The following FHIP1A variants were observed in gnomAD, a reference collection of about 807,000 sequenced individuals.
FHIP1A encodes FHF complex subunit HOOK interacting protein 1A, also known as FHF complex subunit HOOK-interacting protein 1A.
Under a neutral mutation model 88.6 loss-of-function variants are expected in FHIP1A, and 61 were observed. The ratio of observed to expected loss-of-function variants is 0.69; its 90% CI spans 0.56 to 0.85. The LOEUF (loss-of-function observed/expected upper bound fraction) is 0.85, where lower values mean the gene tolerates loss of function less well. Among genes scored for constraint, FHIP1A ranks in the 40% least tolerant of loss-of-function variants. FHIP1A has a pLI of 0.00. For synonymous variants in FHIP1A, 478 were observed against 496.0 expected, an observed-to-expected ratio of 0.96 and a Z score of 0.48; for missense variants, 1,154 against 1,273.5, an observed-to-expected ratio of 0.91 and a Z score of 1.43.
intron 3 of FHIP1A, among the ~76,000 whole-genome samples, chr4:151,524,520 T>G (rs1157957696): frequency 6.6e-6 from 1 of 152,158 alleles, no homozygotes; most frequent in Non-Finnish European, 1.5e-5. Flanking sequence ...TTCTTTACTC[T>G]TCATGTGCCA....
intron 3 of FHIP1A, among the ~76,000 whole-genome samples, chr4:151,547,323 C>T (rs1393101935): frequency 3.3e-5 from 5 of 152,180 alleles, no homozygotes; most frequent in South Asian, 4.2e-4. Flanking sequence ...AGAGCCACCC[C>T]GCAGAGAGGC....
At chr4:151,476,155 C>T (rs1249922919) in intron 2 of FHIP1A, among the ~76,000 whole-genome samples, 28 of 140,488 alleles carry the variant, frequency 2.0e-4, no homozygotes, top group African/African-American at 6.8e-4. Context: ...ACACTGTGCT[C>T]GGCCGATTTT....
chr4:151,544,518 G>A (rs1044678624), intron 3 of FHIP1A, among the ~76,000 whole-genome samples: 1 of 152,244 alleles, frequency 6.6e-6, no homozygotes, highest in South Asian at 2.1e-4. Flanking sequence ...AGCTTCCCAG[G>A]TGCCACTGTT....
intron 8 of FHIP1A, among the ~76,000 whole-genome samples, chr4:151,637,313 T>A (rs1560813654): frequency 6.6e-6 from 1 of 152,084 alleles, no homozygotes; most frequent in Admixed American, 6.6e-5. Flanking sequence ...ATTGATAAAT[T>A]GGAAATTATC....
chr4:151,510,897 CT>C (rs548403368), intron 3 of FHIP1A, among the ~76,000 whole-genome samples: 174 of 152,328 alleles, frequency 1.1e-3, no homozygotes, highest in African/African-American at 3.9e-3. Flanking sequence ...CATTTATTGA[CT>C]GTCCCATATG....
chr4:151,654,948 G>A (rs1377061880), intron 11 of FHIP1A, among the ~76,000 whole-genome samples: 1 of 152,172 alleles, frequency 6.6e-6, no homozygotes. Context: ...TAGTGTTCCT[G>A]GAGACAGGGA....
intron 8 of FHIP1A, 55 bp downstream of exon 8, chr4:151,629,924 G>A: frequency 1.5e-6 from 2 of 1,312,108 alleles, no homozygotes; most frequent in Non-Finnish European, 2.1e-6. Context: ...TTTCAGGAGA[G>A]TTTTTTTTTG....
intron 3 of FHIP1A, among the ~76,000 whole-genome samples, chr4:151,504,680 G>C (rs369665644): frequency 6.6e-6 from 1 of 152,142 alleles, no homozygotes; most frequent in Admixed American, 6.5e-5. Context: ...GAAGTGCAGT[G>C]GTGCGATCTC....
intron 1 of FHIP1A, among the ~76,000 whole-genome samples, chr4:151,429,198 A>G (rs924912716): frequency 6.6e-6 from 1 of 152,200 alleles, no homozygotes; most frequent in Admixed American, 6.5e-5. Context: ...TTGTTTTCCC[A>G]CCTGGCTGTA....
intron 7 of FHIP1A, among the ~76,000 whole-genome samples, chr4:151,608,150 T>C (rs560071815): frequency 1.4e-5 from 2 of 146,910 alleles, no homozygotes; most frequent in African/African-American, 5.0e-5. Flanking sequence ...ATTCAAGCGA[T>C]TCTCCTGCCT....
intron 3 of FHIP1A, among the ~76,000 whole-genome samples, chr4:151,545,696 T>A (rs989153226): frequency 1.4e-4 from 19 of 136,810 alleles, no homozygotes; most frequent in Admixed American, 5.9e-4. Context: ...TTCTTAGTTT[T>A]CAGAATAACC....
intron 3 of FHIP1A, among the ~76,000 whole-genome samples, chr4:151,546,517 A>G (rs752577849): frequency 2.6e-5 from 4 of 152,226 alleles, no homozygotes; most frequent in Non-Finnish European, 5.9e-5. Flanking sequence ...TGTGATATTC[A>G]TTGTGTAAGG....
intron 7 of FHIP1A, among the ~76,000 whole-genome samples, chr4:151,629,397 T>G (rs907380691): frequency 1.3e-5 from 2 of 152,262 alleles, no homozygotes; most frequent in African/African-American, 2.4e-5. Context: ...TTTTCTTCAT[T>G]TTTGATTACA....
At chr4:151,658,636 T>C (rs532733734) in intron 13 of FHIP1A, among the ~76,000 whole-genome samples, 2 of 152,278 alleles carry the variant, frequency 1.3e-5, no homozygotes, top group Admixed American at 6.5e-5. Context: ...CCAGCGCAGA[T>C]TGAAGAATGG....
At chr4:151,413,487 C>T (rs1450294725) in intron 1 of FHIP1A, among the ~76,000 whole-genome samples, 1 of 152,112 alleles carries the variant, frequency 6.6e-6, no homozygotes, top group Non-Finnish European at 1.5e-5. Flanking sequence ...CAGAGTCTCG[C>T]TCTGTTGCCC....
chr4:151,549,502 A>G (rs1732641466), intron 3 of FHIP1A, among the ~76,000 whole-genome samples: 1 of 151,722 alleles, frequency 6.6e-6, no homozygotes, highest in East Asian at 1.9e-4. Context: ...AAAAAAAAAA[A>G]AAAAAAAAAT....
chr4:151,647,269 A>AT (rs1349864662), intron 10 of FHIP1A, among the ~76,000 whole-genome samples: 1 of 152,164 alleles, frequency 6.6e-6, no homozygotes, highest in Non-Finnish European at 1.5e-5. Context: ...ACTTGGTGCT[A>AT]TTTGCCAGCT....
At chr4:151,447,164 T>C (rs560942066) in intron 1 of FHIP1A, among the ~76,000 whole-genome samples, 1 of 152,218 alleles carries the variant, frequency 6.6e-6, no homozygotes, top group Non-Finnish European at 1.5e-5. Flanking sequence ...AGTAATTTAT[T>C]TTAAAAGATA....
At chr4:151,511,484 C>T (rs6838370) in intron 3 of FHIP1A, among the ~76,000 whole-genome samples, 79,022 of 152,124 alleles carry the variant, frequency 0.52, 20,835 homozygotes, top group African/African-American at 0.55. Flanking sequence ...GGGCAAGGCA[C>T]TGCCTCACTC....
Sources: gnomAD v4.1 joint callset for allele counts (sites outside exome capture counted in the v4.1 genomes callset) on GRCh38, gnomAD v4.1.1 for gene constraint, MANE v1.5 for transcripts, NCBI Gene and HGNC (gene_info 2026-07-23, HGNC 2026-07-21) for gene names.